Variants in CNTN5 observed in about 807,000 individuals in gnomAD.
The protein encoded by CNTN5 is contactin 5, also known as contactin-5.
A neutral mutation model predicts 129.1 loss-of-function variants in CNTN5; 77 were observed. That is an observed-to-expected ratio of 0.60 (90% CI 0.50 to 0.72). The LOEUF (loss-of-function observed/expected upper bound fraction) is 0.72. CNTN5 is among the 30% of genes least tolerant of loss of function. The pLI, the probability that CNTN5 is intolerant of heterozygous loss-of-function variation, is 0.00. For missense variants in CNTN5, 1,478 were observed against 1,328.8 expected (o/e 1.11, Z -1.75); for synonymous variants, 509 against 465.6 (o/e 1.09, Z -1.20).
At chr11:100,273,598 G>T (rs536060203) in intron 18 of CNTN5, among the ~76,000 whole-genome samples, 1 of 152,100 alleles carries the variant, frequency 6.6e-6, no homozygotes, top group African/African-American at 2.4e-5. Context: ...TCAGTGCCCT[G>T]CCCCCAGCCA....
At chr11:100,321,904 ATGAT>A (rs1466643115) in intron 21 of CNTN5, among the ~76,000 whole-genome samples, 1 of 152,194 alleles carries the variant, frequency 6.6e-6, no homozygotes, top group East Asian at 1.9e-4. Context: ...ATAATAATGA[ATGAT>A]TATTTAAATG....
chr11:99,288,165 G>T (rs1190715199), intron 1 of CNTN5, among the ~76,000 whole-genome samples: 47 of 151,816 alleles, frequency 3.1e-4, no homozygotes, highest in Non-Finnish European at 1.5e-5. Context: ...AAATGATTAT[G>T]GGTAATTAGC....
chr11:99,189,033 C>G (rs771653398), intron 1 of CNTN5, among the ~76,000 whole-genome samples: 1 of 151,696 alleles, frequency 6.6e-6, no homozygotes, highest in Non-Finnish European at 1.5e-5. Flanking sequence ...CTACTCTCTC[C>G]TTCTGTGATT....
intron 21 of CNTN5, among the ~76,000 whole-genome samples, chr11:100,330,794 C>T (rs1951890541): frequency 6.6e-6 from 1 of 152,138 alleles, no homozygotes; most frequent in African/African-American, 2.4e-5. Flanking sequence ...TTCACCACTA[C>T]CAAGCCAGCG....
chr11:100,029,443 C>A (rs189628119), intron 9 of CNTN5, among the ~76,000 whole-genome samples: 1 of 151,966 alleles, frequency 6.6e-6, no homozygotes, highest in African/African-American at 2.4e-5. Context: ...ATTAGCCGGG[C>A]GAGGTGGCAG....
intron 23 of CNTN5, among the ~76,000 whole-genome samples, chr11:100,346,888 G>C (rs541114155): frequency 6.6e-5 from 10 of 152,096 alleles, no homozygotes; most frequent in Admixed American, 3.3e-4. Flanking sequence ...TCACGATCAC[G>C]GCGGAAGGTG....
intron 15 of CNTN5, among the ~76,000 whole-genome samples, chr11:100,222,812 C>T (rs1949292874): frequency 6.6e-6 from 1 of 152,012 alleles, no homozygotes; most frequent in South Asian, 2.1e-4. Flanking sequence ...GTAGTGTGCA[C>T]AGCCATTCCT....
At chr11:99,836,746 T>G (rs1481276876) in intron 4 of CNTN5, among the ~76,000 whole-genome samples, 4 of 152,204 alleles carry the variant, frequency 2.6e-5, no homozygotes, top group African/African-American at 9.6e-5. Flanking sequence ...TGAACTAGTT[T>G]ACAGTCTCAC....
At chr11:100,195,363 T>C (rs562647802) in intron 15 of CNTN5, among the ~76,000 whole-genome samples, 1 of 152,012 alleles carries the variant, frequency 6.6e-6, no homozygotes. Context: ...TGAATTATTG[T>C]TTTTGTCTCT....
At chr11:100,269,983 G>T (rs2138779096) in intron 17 of CNTN5, among the ~76,000 whole-genome samples, 1 of 152,210 alleles carries the variant, frequency 6.6e-6, no homozygotes, top group East Asian at 1.9e-4. Flanking sequence ...TCTGACAGTG[G>T]CCTTTCCCTC....
At chr11:99,396,445 G>A (rs1440466613) in intron 2 of CNTN5, among the ~76,000 whole-genome samples, 1 of 151,380 alleles carries the variant, frequency 6.6e-6, no homozygotes, top group Non-Finnish European at 1.5e-5. Flanking sequence ...TATAGTTGTG[G>A]TTGTGTAAAA....
intron 1 of CNTN5, among the ~76,000 whole-genome samples, chr11:99,084,671 A>G (rs1315634929): frequency 6.6e-6 from 1 of 151,958 alleles, no homozygotes; most frequent in Non-Finnish European, 1.5e-5. Flanking sequence ...GTCTCAGACA[A>G]TTTTTCTGAT....
At chr11:99,827,119 A>G (rs1047139395) in intron 4 of CNTN5, among the ~76,000 whole-genome samples, 1 of 151,906 alleles carries the variant, frequency 6.6e-6, no homozygotes, top group Non-Finnish European at 1.5e-5. Context: ...ACAGGGCTTC[A>G]CTCTGTGGCC....
intron 13 of CNTN5, among the ~76,000 whole-genome samples, chr11:100,154,881 A>T (rs1591325569): frequency 6.6e-6 from 1 of 151,536 alleles, no homozygotes; most frequent in African/African-American, 2.4e-5. Context: ...TTTTCTTGTA[A>T]ATTTGTTTGA....
intron 2 of CNTN5, among the ~76,000 whole-genome samples, chr11:99,357,493 CCA>C (rs1308406421): frequency 1.3e-5 from 2 of 151,448 alleles, no homozygotes; most frequent in Admixed American, 6.6e-5. Context: ...CCCACCCCCA[CCA>C]CACACACACT....
intron 6 of CNTN5, among the ~76,000 whole-genome samples, chr11:99,863,321 G>A (rs534488395): frequency 2.6e-5 from 4 of 152,222 alleles, no homozygotes; most frequent in East Asian, 1.9e-4. Flanking sequence ...TAGTATAGTC[G>A]TAGGACACAA....
At chr11:99,149,489 A>C (rs1312885280) in intron 1 of CNTN5, among the ~76,000 whole-genome samples, 1 of 152,148 alleles carries the variant, frequency 6.6e-6, no homozygotes, top group Non-Finnish European at 1.5e-5. Flanking sequence ...TTAGAATACT[A>C]GATGTATAAA....
chr11:100,099,780 C>T (rs1228290861), intron 13 of CNTN5, among the ~76,000 whole-genome samples: 1 of 151,850 alleles, frequency 6.6e-6, no homozygotes, highest in Non-Finnish European at 1.5e-5. Flanking sequence ...GGAGACTTGG[C>T]CCATATTTTG....
chr11:99,648,365 AG>A (rs1249609853), intron 3 of CNTN5, among the ~76,000 whole-genome samples: 5 of 151,632 alleles, frequency 3.3e-5, no homozygotes, highest in African/African-American at 9.7e-5. Context: ...AACCACAATA[AG>A]CTGTCATCTC....
Sources: allele counts gnomAD v4.1 joint callset (sites outside exome capture counted in the v4.1 genomes callset), GRCh38; gene constraint gnomAD v4.1.1; transcripts MANE v1.5; gene names NCBI Gene and HGNC (gene_info 2026-07-23, HGNC 2026-07-21).